Variants in TPRG1 observed in about 807,000 individuals in gnomAD.
TPRG1 encodes tumor protein p63 regulated 1.
Under a neutral mutation model 29.3 loss-of-function variants are expected in TPRG1, and 29 were observed. The ratio of observed to expected loss-of-function variants is 0.99; its 90% CI spans 0.74 to 1.35. TPRG1 has a LOEUF of 1.35. Among genes scored for constraint, TPRG1 ranks in the 40% most tolerant of loss-of-function variants. The probability of loss-of-function intolerance (pLI) is 0.00; values close to 1 mark genes in which losing one functional copy is unlikely to be tolerated. For missense variants in TPRG1, 327 were observed against 335.0 expected, an observed-to-expected ratio of 0.98 and a Z score of 0.19; for synonymous variants, 130 against 116.8, an observed-to-expected ratio of 1.11 and a Z score of -0.73.
In TPRG1 at chr3:189,139,104, A is replaced by G. The variant is rs549391406; in HGVS notation, c.-291+6407A>G. ...ACATTTAGAAAGCACCATGTGGTTT[A>G]CTGTATGCTCACACACAAGGTTCTC... is the stretch of plus-strand genomic sequence containing the variant. On this transcript the variant is annotated intron_variant, in intron 3 of 6. Transcript: ENST00000412373. Among the ~76,000 whole-genome samples, 7 of 152,352 alleles carry G rather than the reference A, an allele frequency of 4.6e-5. No homozygotes were observed. In the South Asian group the frequency reaches 6.2e-4, roughly 14 times the overall value.
At chr3:189,186,530 A>G (rs928232727) in intron 1 of TPRG1, among the ~76,000 whole-genome samples, 4 of 152,216 alleles carry the variant, frequency 2.6e-5, no homozygotes, top group Admixed American at 2.6e-4. Context: ...ACCATGAACT[A>G]GCACCTTTTG....
At chr3:189,157,847 TCTC>T (rs1227929859) in intron 5 of TPRG1, among the ~76,000 whole-genome samples, 2 of 152,044 alleles carry the variant, frequency 1.3e-5, no homozygotes, top group Non-Finnish European at 2.9e-5. Context: ...CTCCATTCCT[TCTC>T]CTTCCGGCTG....
intron 4 of TPRG1, among the ~76,000 whole-genome samples, chr3:189,058,394 T>G (rs1018186212): frequency 1.3e-5 from 2 of 152,200 alleles, no homozygotes; most frequent in South Asian, 2.1e-4. Flanking sequence ...CAATTGTAGT[T>G]TGGCCTCAAT....
At chr3:189,141,371 A>G (rs1315024313) in intron 3 of TPRG1, among the ~76,000 whole-genome samples, 1 of 152,108 alleles carries the variant, frequency 6.6e-6, no homozygotes, top group African/African-American at 2.4e-5. Flanking sequence ...CCATTCATTC[A>G]TTCATTCATT....
At chr3:189,114,233 T>G (rs2108493901) in intron 1 of TPRG1, among the ~76,000 whole-genome samples, 1 of 152,106 alleles carries the variant, frequency 6.6e-6, no homozygotes, top group African/African-American at 2.4e-5. Flanking sequence ...ACCAACATGT[T>G]GGACACAGAT....
chr3:189,160,781 A>C (rs1284990290), intron 5 of TPRG1, among the ~76,000 whole-genome samples: 2 of 152,182 alleles, frequency 1.3e-5, no homozygotes, highest in African/African-American at 4.8e-5. Context: ...GGGGGATGAA[A>C]ATTTAGATCA....
rs900864048 is a variant in TPRG1, at chr3:189,143,247, G to A, written c.-290-4337G>A. 7.2e-5 allele frequency among the ~76,000 whole-genome samples: 11 copies of A among 152,126 alleles called. No homozygotes were observed. The East Asian group carries it at 7.7e-4, about 11-fold the overall frequency. On this transcript the variant is annotated intron_variant, in intron 3 of 6. Coordinates refer to the TPRG1 transcript ENST00000412373. ...AAAACACTGAAACAAAGTAGGAGCCGCTGGTAATATCTCCATTCTCCAGAT... is the reference window on the plus strand; with the variant it reads ...AAAACACTGAAACAAAGTAGGAGCCACTGGTAATATCTCCATTCTCCAGAT...
chr3:189,253,202 C>T (rs1396941285), intron 4 of TPRG1, among the ~76,000 whole-genome samples: 2 of 152,160 alleles, frequency 1.3e-5, no homozygotes, highest in Admixed American at 1.3e-4. Flanking sequence ...TCAGGCCCCT[C>T]ACCCCCCAAC....
intron 4 of TPRG1, among the ~76,000 whole-genome samples, chr3:189,295,966 A>G (rs909101955): frequency 5.3e-5 from 8 of 150,954 alleles, no homozygotes; most frequent in African/African-American, 1.5e-4. Flanking sequence ...TGACCAGGAT[A>G]GGAGTTTGCG....
At chr3:189,309,931 A>G (rs1722219941) in intron 4 of TPRG1, 1 of 152,534 alleles carries the variant, frequency 6.6e-6, no homozygotes. Context: ...AAAATCATGT[A>G]TATTCTACCA....
chr3:189,174,425 T>C (rs1729216245), intron 1 of TPRG1, among the ~76,000 whole-genome samples: 1 of 152,162 alleles, frequency 6.6e-6, no homozygotes, highest in African/African-American at 2.4e-5. Context: ...AGATAGAACA[T>C]GTTTTCCCCC....
intron 4 of TPRG1, among the ~76,000 whole-genome samples, chr3:189,286,999 TTGA>T (rs1386803343): frequency 7.9e-5 from 12 of 152,084 alleles, no homozygotes; most frequent in Admixed American, 5.2e-4. Flanking sequence ...TATACAGTTG[TTGA>T]TGATGAATTT....
chr3:189,023,814 G>A (rs957356857), exon 4 of TPRG1: 3 of 152,434 alleles, frequency 2.0e-5, no homozygotes, highest in African/African-American at 7.2e-5. Flanking sequence ...AGTACCTGGA[G>A]GTTTCACCAG....
chr3:189,221,455 G>C (rs978704920), intron 3 of TPRG1, among the ~76,000 whole-genome samples: 1 of 152,188 alleles, frequency 6.6e-6, no homozygotes, highest in African/African-American at 2.4e-5. Context: ...GCCAAGGGTT[G>C]CCTCTTTCAT....
chr3:189,320,575 T>C, intron 5 of TPRG1, 51 bp from the exon 6 acceptor site: 14 of 1,507,200 alleles, frequency 9.3e-6, no homozygotes, highest in Non-Finnish European at 1.2e-5. Context: ...TGAGTATCTC[T>C]CAACTTAATC....
upstream of TPRG1, among the ~76,000 whole-genome samples, chr3:189,170,160 C>A (rs115361105): frequency 0.062 from 9,487 of 152,210 alleles, 401 homozygotes; most frequent in Admixed American, 0.16. Context: ...GCCTTTTGTG[C>A]CCCCACCCTG....
chr3:189,267,742 A>C (rs1714365705), intron 4 of TPRG1: 1 of 152,310 alleles, frequency 6.6e-6, no homozygotes, highest in African/African-American at 2.4e-5. Flanking sequence ...AGGAGGTTTT[A>C]TTTATTTTGA....
intron 5 of TPRG1, among the ~76,000 whole-genome samples, chr3:189,160,423 C>G (rs1168572511): frequency 6.6e-6 from 1 of 152,132 alleles, no homozygotes; most frequent in African/African-American, 2.4e-5. Context: ...TTGGGATCAG[C>G]CATCTATTTT....
intron 1 of TPRG1, chr3:189,190,924 C>A: frequency 1.0e-6 from 1 of 983,230 alleles, no homozygotes. Flanking sequence ...AAACATTATC[C>A]CTTTGCAATG....
Sources: gnomAD v4.1 joint callset for allele counts (sites outside exome capture counted in the v4.1 genomes callset) on GRCh38, gnomAD v4.1.1 for gene constraint, MANE v1.5 for transcripts, NCBI Gene and HGNC (gene_info 2026-07-23, HGNC 2026-07-21) for gene names.